GAD2: variants seen among roughly 807,000 people sequenced by gnomAD.
GAD2 encodes glutamate decarboxylase 2, also known as 65 kDa glutamic acid decarboxylase.
Under a neutral mutation model 80.1 loss-of-function variants are expected in GAD2, and 22 were observed. That is an observed-to-expected ratio of 0.27 (90% CI 0.20 to 0.39). The LOEUF is 0.39. GAD2 is among the 10% of genes least tolerant of loss of function. GAD2 has a pLI of 1.00. For synonymous variants in GAD2, 274 were observed against 256.9 expected (o/e 1.07, Z -0.64); for missense variants, 624 against 738.4 (o/e 0.85, Z 1.80).
intron 15 of GAD2, among the ~76,000 whole-genome samples, chr10:26,295,974 G>A (rs1197706946): frequency 2.6e-5 from 4 of 152,334 alleles, no homozygotes; most frequent in Non-Finnish European, 4.4e-5. Flanking sequence ...GTATCTTAGC[G>A]TGGTTGAGCT....
At chr10:26,282,095 A>G (rs964277694) in intron 12 of GAD2, among the ~76,000 whole-genome samples, 1 of 151,054 alleles carries the variant, frequency 6.6e-6, no homozygotes, top group African/African-American at 2.5e-5. Flanking sequence ...GGCACCCGCC[A>G]CCACACCTGG....
intron 15 of GAD2, among the ~76,000 whole-genome samples, chr10:26,296,901 G>GA (rs1274405987): frequency 1.3e-5 from 2 of 149,592 alleles, no homozygotes; most frequent in African/African-American, 5.0e-5. Flanking sequence ...TTTAATTGGT[G>GA]AAATTTTCGC....
In GAD2 at chr10:26,301,458, C is replaced by T. The variant is rs1189318614; in HGVS notation, c.*497C>T. Reference sequence around the variant, plus strand: ...ATGTATTTAAATACATATAATTTTACAAAAGGAAAATATATATATTAAAAA... The same window carrying T: ...ATGTATTTAAATACATATAATTTTATAAAAGGAAAATATATATATTAAAAA... On this transcript the variant is annotated 3_prime_UTR_variant, in exon 16 of 16. Coordinates refer to ENST00000376261, the MANE Select transcript of GAD2 (RefSeq NM_001134366.2). The T allele has an allele frequency of 1.3e-5, 2 of 151,794 alleles. No homozygotes were observed. The allele number at this position is 151,794 out of a possible 1,614,324, so 9.4% of individuals were successfully genotyped here. A position where few individuals can be genotyped will look rare whatever the true frequency, so the allele number is the denominator to read the frequency against.
chr10:26,229,211 G>T (rs1292081547), intron 6 of GAD2, among the ~76,000 whole-genome samples: 1 of 147,584 alleles, frequency 6.8e-6, no homozygotes, highest in Non-Finnish European at 1.5e-5. Context: ...AAAAAAAAAA[G>T]TTGATTAGCA....
intron 8 of GAD2, among the ~76,000 whole-genome samples, chr10:26,249,412 G>A (rs1285057900): frequency 6.6e-6 from 1 of 152,196 alleles, no homozygotes; most frequent in African/African-American, 2.4e-5. Flanking sequence ...GAAAACTGGA[G>A]TTTAAAAATG....
In GAD2 at chr10:26,216,939, T is replaced by C; in HGVS notation, c.76+54T>C. On this transcript the variant is annotated intron_variant, in intron 1 of 15. Coordinates refer to ENST00000376261, the MANE Select transcript of GAD2 (RefSeq NM_001134366.2). The surrounding 1 kb of genome is among the most constrained non-coding windows in gnomAD (Gnocchi z 4.7). ...GGCGAGTTTTGCGGTGGTCTGGGGT[T>C]TGCGGAACTACGGAGAAGACGAAGG... 1 of 1,481,092 alleles carries C rather than the reference T, an allele frequency of 6.8e-7. No homozygotes were observed. The highest frequency in any genetic ancestry group is 9.4e-7 in the Non-Finnish European group (1 of 1,068,006). The allele number at this position is 1,481,092 out of a possible 1,614,324, so 91.7% of individuals were successfully genotyped here.
At chr10:26,219,305 CT>C (rs1364754434) in intron 4 of GAD2, 29 bp downstream of exon 4, 15 of 1,329,186 alleles carry the variant, frequency 1.1e-5, no homozygotes, top group Non-Finnish European at 1.6e-5. Context: ...TAATAAAGCT[CT>C]TTTTTCGTTT....
At chr10:26,242,286 A>G (rs1844753049) in intron 7 of GAD2, among the ~76,000 whole-genome samples, 1 of 152,060 alleles carries the variant, frequency 6.6e-6, no homozygotes, top group South Asian at 2.1e-4. Context: ...GCGCCCGGCC[A>G]CTGGTTCAAT....
intron 9 of GAD2, among the ~76,000 whole-genome samples, chr10:26,269,921 A>G (rs1158735544): frequency 2.6e-5 from 4 of 152,198 alleles, no homozygotes; most frequent in Admixed American, 2.0e-4. Flanking sequence ...ACTTCTAGTA[A>G]CATCAACTAG....
At chr10:26,262,724 T>A (rs1845023371) in intron 8 of GAD2, among the ~76,000 whole-genome samples, 1 of 152,226 alleles carries the variant, frequency 6.6e-6, no homozygotes, top group Non-Finnish European at 1.5e-5. Flanking sequence ...TTTGTTTTAT[T>A]CTCATGTCAT....
chr10:26,292,774 A>G (rs1834230823), intron 14 of GAD2, 128 bp from the exon 15 acceptor site: 2 of 894,526 alleles, frequency 2.2e-6, no homozygotes, highest in Admixed American at 1.9e-5. Flanking sequence ...ATGCCCTCCA[A>G]TGGCAATTCC....
intron 13 of GAD2, 26 bp from the exon 14 acceptor site, chr10:26,292,439 A>G (rs1268261528): frequency 3.2e-6 from 5 of 1,563,766 alleles, no homozygotes; most frequent in Non-Finnish European, 3.5e-6. Context: ...AGCCTGCTTA[A>G]TGAGCTGTGT....
intron 3 of GAD2, chr10:26,218,457 CGA>C (rs1479734066): frequency 1.3e-5 from 2 of 158,354 alleles, no homozygotes; most frequent in African/African-American, 2.4e-5. Flanking sequence ...ACCCGCGCGC[CGA>C]GTTTTACCCC....
At chr10:26,221,053 C>T (rs1246124185) in intron 4 of GAD2, among the ~76,000 whole-genome samples, 1 of 152,156 alleles carries the variant, frequency 6.6e-6, no homozygotes, top group African/African-American at 2.4e-5. Flanking sequence ...GTTTTCATAA[C>T]ATATTTAGTC....
chr10:26,279,369 T>C (rs1845247393), intron 11 of GAD2, among the ~76,000 whole-genome samples: 1 of 152,144 alleles, frequency 6.6e-6, no homozygotes, highest in Non-Finnish European at 1.5e-5. Flanking sequence ...AGTATGAGAA[T>C]AGAATTCTCT....
At chr10:26,218,708 T>C (rs1191556665) in intron 3 of GAD2, among the ~76,000 whole-genome samples, 3 of 152,136 alleles carry the variant, frequency 2.0e-5, no homozygotes, top group African/African-American at 7.2e-5. Context: ...TATGTAAACA[T>C]GTAAGATGGT....
intron 7 of GAD2, among the ~76,000 whole-genome samples, chr10:26,245,153 CAAAAAAA>C (rs1229625147): frequency 2.7e-4 from 14 of 52,350 alleles, no homozygotes; most frequent in Middle Eastern, 0.013. Context: ...AACTCTGTCT[CAAAAAAA>C]AAAAAAAAAG....
intron 7 of GAD2, among the ~76,000 whole-genome samples, chr10:26,233,850 C>T (rs544117329): frequency 9.2e-5 from 14 of 152,252 alleles, no homozygotes; most frequent in African/African-American, 3.1e-4. Context: ...TGTGTTGACT[C>T]AGTGAGGAGA....
chr10:26,294,276 A>T (rs1834249954), intron 15 of GAD2, among the ~76,000 whole-genome samples: 1 of 152,196 alleles, frequency 6.6e-6, no homozygotes, highest in Admixed American at 6.5e-5. Flanking sequence ...GGAACACTTT[A>T]GTTCCTTCTA....
Sources: allele counts gnomAD v4.1 joint callset (sites outside exome capture counted in the v4.1 genomes callset), GRCh38; gene constraint gnomAD v4.1.1; non-coding constraint Gnocchi (gnomAD v3.1); transcripts MANE v1.5; gene names NCBI Gene and HGNC (gene_info 2026-07-23, HGNC 2026-07-21).